The following FBXL7 variants were observed in gnomAD, a reference collection of about 807,000 sequenced individuals.
FBXL7 encodes the protein F-box/LRR-repeat protein 7.
Under a neutral mutation model 38.3 loss-of-function variants are expected in FBXL7, and 12 were observed. The ratio of observed to expected loss-of-function variants is 0.31; its 90% CI spans 0.20 to 0.51. FBXL7 has a LOEUF of 0.51. Among genes scored for constraint, FBXL7 ranks in the 20% least tolerant of loss-of-function variants. The pLI, the probability that FBXL7 is intolerant of heterozygous loss-of-function variation, is 0.98. For missense variants in FBXL7, 567 were observed against 676.4 expected (o/e 0.84, Z 1.79); for synonymous variants, 297 against 300.9 (o/e 0.99, Z 0.13).
At chr5:15,833,041 C>T (rs1432810952) in intron 2 of FBXL7, among the ~76,000 whole-genome samples, 1 of 152,176 alleles carries the variant, frequency 6.6e-6, no homozygotes, top group East Asian at 1.9e-4. Flanking sequence ...TCATATGAGA[C>T]ATGGCTTTCA....
At chr5:15,933,774 C>T (rs929414988) in intron 3 of FBXL7, among the ~76,000 whole-genome samples, 1 of 152,070 alleles carries the variant, frequency 6.6e-6, no homozygotes, top group African/African-American at 2.4e-5. Flanking sequence ...GAGGAAGGTC[C>T]TCGTTAGCAC....
rs1415742638 is a variant in FBXL7 at position 15,936,590 on chromosome 5, G to A, written c.880G>A (p.Ala294Thr). 4 of 1,611,644 alleles carry A rather than the reference G, an allele frequency of 2.5e-6. No homozygotes were observed. Among genetic ancestry groups the A allele is most frequent in the Admixed American group, 1.7e-5 (1 of 60,026 alleles). Residue 294 changes from alanine to threonine, a missense_variant, in exon 4 of 4, where the codon GCG becomes ACG. Transcript: ENST00000504595. This position sits in a 1 kb window ranked among gnomAD's most constrained non-coding sequence, Gnocchi z 6.0. ...VLEDEGLHTI[A>T]AHCTQLTHLY... ...GGAGGACGAAGGCCTGCACACCATC[G>A]CGGCGCACTGCACGCAGCTCACCCA... is the stretch of plus-strand genomic sequence containing the variant.
chr5:15,930,988 A>G lies in FBXL7; in HGVS notation c.739+2487A>G, dbSNP rs545879238. Among the ~76,000 whole-genome samples, 3 of 152,332 alleles carry G rather than the reference A, an allele frequency of 2.0e-5. No individual in the cohort carries two copies. The South Asian group carries it at 6.2e-4, about 32-fold the overall frequency. On this transcript the variant is annotated intron_variant, in intron 3 of 3. Coordinates refer to ENST00000504595, the MANE Select transcript of FBXL7 (RefSeq NM_012304.5). ...CGATAGTGGCCACATTCTCAGTGGC[A>G]GTAGACTTGACTTTGGAAGACTCAT...
intron 2 of FBXL7, among the ~76,000 whole-genome samples, chr5:15,842,824 C>T (rs906451302): frequency 6.6e-6 from 1 of 152,134 alleles, no homozygotes; most frequent in South Asian, 2.1e-4. Context: ...GTGAGGCCTC[C>T]CAGCTACGTG....
At chr5:15,918,861 A>G (rs897365670) in intron 2 of FBXL7, among the ~76,000 whole-genome samples, 2 of 152,270 alleles carry the variant, frequency 1.3e-5, no homozygotes, top group African/African-American at 4.8e-5. Flanking sequence ...CTTGAGTCCT[A>G]AAGCTAACTC....
intron 2 of FBXL7, among the ~76,000 whole-genome samples, chr5:15,877,883 C>T (rs2126315681): frequency 6.6e-6 from 1 of 152,234 alleles, no homozygotes; most frequent in Non-Finnish European, 1.5e-5. Flanking sequence ...TCTGATCTTC[C>T]ACACTTGTTC....
chr5:15,845,687 A>G (rs2126787925), intron 2 of FBXL7, among the ~76,000 whole-genome samples: 1 of 152,322 alleles, frequency 6.6e-6, no homozygotes, highest in African/African-American at 2.4e-5. Flanking sequence ...TTAAAAATAC[A>G]GAGGCTGGGT....
chr5:15,707,174 G>GTTTTTTTTTTTTTTTTT (rs71603796), intron 2 of FBXL7, among the ~76,000 whole-genome samples: 21 of 70,402 alleles, frequency 3.0e-4, no homozygotes, highest in East Asian at 9.7e-4. Context: ...TTTTCTTTTC[G>GTTTTTTTTTTTTTTTTT]TTTTTTTTTT....
At chr5:15,822,517 T>C (rs559527514) in intron 2 of FBXL7, among the ~76,000 whole-genome samples, 2 of 152,244 alleles carry the variant, frequency 1.3e-5, no homozygotes, top group South Asian at 4.1e-4. Context: ...ATTTCTCCAT[T>C]CCACATTCCA....
Position 15,729,777 on chromosome 5 carries a change from G to C in FBXL7, c.127+113705G>C, listed in dbSNP as rs182493840. ...TCATAACTACTTTTTAGTGCTTACT[G>C]TGCGTCAGGCAGCATCATATGTGAT... On this transcript the variant is annotated intron_variant, in intron 2 of 3. Transcript: ENST00000504595. Among the ~76,000 whole-genome samples, 376 of 152,268 alleles carry C rather than the reference G, an allele frequency of 2.5e-3. 5 individuals carry two copies. The highest frequency in any genetic ancestry group is 0.023 in the Admixed American group (355 of 15,292).
At chr5:15,604,646 C>T (rs965122743) in intron 1 of FBXL7, among the ~76,000 whole-genome samples, 2 of 152,218 alleles carry the variant, frequency 1.3e-5, no homozygotes, top group Non-Finnish European at 2.9e-5. Context: ...TGAGCCACCA[C>T]GCCCAACAGA....
At chr5:15,707,910 C>T (rs1743742024) in intron 2 of FBXL7, among the ~76,000 whole-genome samples, 1 of 152,168 alleles carries the variant, frequency 6.6e-6, no homozygotes, top group South Asian at 2.1e-4. Context: ...CCAGTCTTCC[C>T]ACCACCCTGT....
chr5:15,501,484 G>C, intron 1 of FBXL7: 1 of 985,522 alleles, frequency 1.0e-6, no homozygotes, highest in Non-Finnish European at 1.2e-6. Context: ...CCCCTGATAC[G>C]CATAAGGCAA....
intron 2 of FBXL7, among the ~76,000 whole-genome samples, chr5:15,697,968 C>T (rs1178786686): frequency 3.3e-5 from 5 of 152,208 alleles, no homozygotes; most frequent in Non-Finnish European, 5.9e-5. Flanking sequence ...CCCACCTACT[C>T]ACTCATATTG....
intron 2 of FBXL7, among the ~76,000 whole-genome samples, chr5:15,691,311 C>G (rs181111028): frequency 9.1e-4 from 138 of 152,322 alleles, no homozygotes; most frequent in African/African-American, 3.3e-3. Context: ...AATCATGAAT[C>G]AACTTGATGT....
intron 2 of FBXL7, among the ~76,000 whole-genome samples, chr5:15,837,273 G>A (rs1738619820): frequency 6.6e-6 from 1 of 152,066 alleles, no homozygotes; most frequent in South Asian, 2.1e-4. Context: ...TCATAAAGCA[G>A]GTAAATACTT....
chr5:15,615,086 C>T (rs992950228), intron 1 of FBXL7, among the ~76,000 whole-genome samples: 9 of 152,304 alleles, frequency 5.9e-5, no homozygotes, highest in Admixed American at 4.6e-4. Flanking sequence ...ATCTGCGCAC[C>T]ACAGTCAGTA....
In FBXL7 at chr5:15,656,623, A is replaced by G. The variant is rs1055652257; in HGVS notation, c.127+40551A>G. ...AATTATGGGAGTTACGGCAGCTACA[A>G]TTCAAGATATGATTTGGGTGGGGAC... is the stretch of plus-strand genomic sequence containing the variant. On this transcript the variant is annotated intron_variant, in intron 2 of 3. Coordinates refer to ENST00000504595, the MANE Select transcript of FBXL7 (RefSeq NM_012304.5). Among the ~76,000 whole-genome samples, 22 of 152,306 alleles carry G rather than the reference A, an allele frequency of 1.4e-4. No individual in the cohort carries two copies. In the East Asian group the frequency reaches 3.3e-3, roughly 23 times the overall value.
At chr5:15,632,777 A>G (rs1036844557) in intron 2 of FBXL7, among the ~76,000 whole-genome samples, 2 of 152,218 alleles carry the variant, frequency 1.3e-5, no homozygotes, top group African/African-American at 4.8e-5. Flanking sequence ...ATCAAAAACC[A>G]AATACTGTGT....
Sources: allele counts gnomAD v4.1 joint callset (sites outside exome capture counted in the v4.1 genomes callset), GRCh38; gene constraint gnomAD v4.1.1; non-coding constraint Gnocchi (gnomAD v3.1); transcripts MANE v1.5; gene names NCBI Gene and HGNC (gene_info 2026-07-23, HGNC 2026-07-21).